SEMA3C: variants seen among roughly 807,000 people sequenced by gnomAD.
The protein encoded by SEMA3C is semaphorin 3C.
SEMA3C carries 47 observed loss-of-function variants against 89.4 expected under a neutral mutation model. The ratio of observed to expected loss-of-function variants is 0.53; its 90% CI spans 0.42 to 0.67. SEMA3C has a LOEUF of 0.67. Ranked by LOEUF, SEMA3C falls within the 30% of genes least tolerant of loss-of-function variation. SEMA3C has a pLI of 0.00. For missense variants in SEMA3C, 839 were observed against 929.1 expected, an observed-to-expected ratio of 0.90 and a Z score of 1.26; for synonymous variants, 310 against 320.2, an observed-to-expected ratio of 0.97 and a Z score of 0.34.
At chr7:80,853,850 CA>C (rs1433433129) in intron 2 of SEMA3C, among the ~76,000 whole-genome samples, 2 of 151,996 alleles carry the variant, frequency 1.3e-5, no homozygotes, top group East Asian at 3.9e-4. Flanking sequence ...GATAACTACA[CA>C]TTGCATACCT....
chr7:80,903,122 C>T (rs1791922977), intron 2 of SEMA3C, among the ~76,000 whole-genome samples: 1 of 152,146 alleles, frequency 6.6e-6, no homozygotes, highest in African/African-American at 2.4e-5. Context: ...CATCCCTTAA[C>T]AATGAAGGTA....
At chr7:80,788,488 A>G (rs578009347) in intron 12 of SEMA3C, among the ~76,000 whole-genome samples, 15 of 152,284 alleles carry the variant, frequency 9.9e-5, no homozygotes, top group African/African-American at 3.4e-4. Flanking sequence ...GAATTTTGGA[A>G]GAAGCACCTC....
chr7:80,903,292 G>A (rs935824941), intron 2 of SEMA3C, among the ~76,000 whole-genome samples: 4 of 152,104 alleles, frequency 2.6e-5, no homozygotes, highest in Non-Finnish European at 5.9e-5. Context: ...AATTCTGTAG[G>A]TAACTGTAAC....
chr7:80,890,288 G>A (rs912933098), intron 2 of SEMA3C, among the ~76,000 whole-genome samples: 59 of 152,164 alleles, frequency 3.9e-4, no homozygotes, highest in African/African-American at 1.4e-3. Flanking sequence ...GAAGGAAGCT[G>A]AGGGTCTTCC....
Position 80,890,783 on chromosome 7 carries a change from T to C in SEMA3C, c.103+25896A>G, listed in dbSNP as rs142061666. On this transcript the variant is annotated intron_variant, in intron 2 of 17. Transcript: ENST00000265361. ...CTAATATGATATTATTTGCATATTA[T>C]CACTTTCTGAAAAATCTCCAACAGT... Among the ~76,000 whole-genome samples, 27 of 152,324 alleles carry C rather than the reference T, an allele frequency of 1.8e-4. No homozygotes were observed. The East Asian group carries it at 4.6e-3, about 26-fold the overall frequency.
chr7:80,779,136 C>T (rs1788633204), intron 12 of SEMA3C, among the ~76,000 whole-genome samples: 1 of 152,096 alleles, frequency 6.6e-6, no homozygotes, highest in African/African-American at 2.4e-5. Flanking sequence ...TGGAACTGAG[C>T]TTGAATTTAA....
chr7:80,765,182 G>A lies in SEMA3C; in HGVS notation c.1416C>T (p.Leu472=), dbSNP rs1562864926. Residue 472 remains leucine, a synonymous_variant, in exon 13 of 18, where the codon CTC becomes CTT. Coordinates refer to ENST00000265361, the MANE Select transcript of SEMA3C (RefSeq NM_006379.5). ...TAAAGACTTCCAGCTCCTCCAGAATGAGCTCGCCACTGACAGAGTTGTTAG... is the reference window on the plus strand; with the variant it reads ...TAAAGACTTCCAGCTCCTCCAGAATAAGCTCGCCACTGACAGAGTTGTTAG... ...LPTNNSVSGE[L]ILEELEVFKN... is the part of the protein sequence containing the mutation. 1 of 1,613,660 alleles carries A rather than the reference G, an allele frequency of 6.2e-7. No homozygotes were observed. The highest frequency in any genetic ancestry group is 8.5e-7 in the Non-Finnish European group (1 of 1,179,760).
In SEMA3C at chr7:80,789,303, T is replaced by C. The variant is rs755764835; in HGVS notation, c.1354+3A>G. 67 of 1,610,596 alleles carry C rather than the reference T, an allele frequency of 4.2e-5. 1 individual carries two copies. In the South Asian group the frequency reaches 7.1e-4, roughly 17 times the overall value. ...AAAGCATATCTTGGGCTCAAATATT[T>C]ACCTGTTCCGAGAAACAGGACATGG... On this transcript the variant is annotated splice_donor_region_variant and intron_variant, in intron 12 of 17. Coordinates refer to ENST00000265361, the MANE Select transcript of SEMA3C (RefSeq NM_006379.5).
intron 6 of SEMA3C, among the ~76,000 whole-genome samples, chr7:80,808,602 A>G (rs1562884733): frequency 6.6e-6 from 1 of 152,166 alleles, no homozygotes; most frequent in Non-Finnish European, 1.5e-5. Context: ...AAGAAAGATG[A>G]GTTATCTATT....
chr7:80,822,139 ACAGTGGAATGAATAGACTCAAT>A (rs1348600644), intron 4 of SEMA3C, among the ~76,000 whole-genome samples: 2 of 152,196 alleles, frequency 1.3e-5, no homozygotes, highest in African/African-American at 4.8e-5. Flanking sequence ...GGTACTAGCA[ACAGTGGAATGAATAGACTCAAT>A]CAATGCCTGC....
At chr7:80,801,631 T>C (rs1249024405) in intron 9 of SEMA3C, among the ~76,000 whole-genome samples, 1 of 152,044 alleles carries the variant, frequency 6.6e-6, no homozygotes, top group Non-Finnish European at 1.5e-5. Flanking sequence ...TGAATTTAAA[T>C]GACCTCATAA....
chr7:80,833,758 G>T (rs1162837986), intron 2 of SEMA3C, among the ~76,000 whole-genome samples: 1 of 151,926 alleles, frequency 6.6e-6, no homozygotes, highest in South Asian at 2.1e-4. Context: ...ACGACTTGGG[G>T]AGAGAAACGA....
intron 6 of SEMA3C, 63 bp downstream of exon 6, chr7:80,810,548 C>A: frequency 7.7e-7 from 1 of 1,291,480 alleles, no homozygotes. Flanking sequence ...ATAGGTATAC[C>A]ATGTCAAGCT....
At chr7:80,887,711 T>C (rs564937167) in intron 2 of SEMA3C, among the ~76,000 whole-genome samples, 3 of 152,168 alleles carry the variant, frequency 2.0e-5, no homozygotes, top group Admixed American at 6.6e-5. Context: ...CTGCTTATCC[T>C]GAGTAAAAAG....
intron 11 of SEMA3C, 84 bp downstream of exon 11, chr7:80,798,008 C>T (rs1258485404): frequency 5.7e-6 from 8 of 1,403,674 alleles, no homozygotes; most frequent in Non-Finnish European, 6.7e-6. Context: ...AAAAAAAAAC[C>T]CCAAAAAACC....
intron 2 of SEMA3C, among the ~76,000 whole-genome samples, chr7:80,855,902 T>C (rs11765246): frequency 0.091 from 13,913 of 152,228 alleles, 938 homozygotes; most frequent in African/African-American, 0.18. Context: ...CGTCCCTCAA[T>C]CATTCATGTT....
At chr7:80,746,785 T>C (rs1787812151) in intron 17 of SEMA3C, among the ~76,000 whole-genome samples, 1 of 147,200 alleles carries the variant, frequency 6.8e-6, no homozygotes, top group Non-Finnish European at 1.5e-5. Flanking sequence ...TGGAGAAATA[T>C]ATAACTCTTG....
intron 11 of SEMA3C, among the ~76,000 whole-genome samples, chr7:80,791,383 T>C (rs984560846): frequency 6.6e-6 from 1 of 152,200 alleles, no homozygotes; most frequent in Admixed American, 6.5e-5. Flanking sequence ...AATATTAAAT[T>C]CCTGTCGATA....
At chr7:80,773,861 T>G (rs747302323) in intron 12 of SEMA3C, among the ~76,000 whole-genome samples, 1 of 152,152 alleles carries the variant, frequency 6.6e-6, no homozygotes, top group Non-Finnish European at 1.5e-5. Context: ...CAGATTGCAG[T>G]TGCTACTCGC....
Sources: gnomAD v4.1 joint callset for allele counts (sites outside exome capture counted in the v4.1 genomes callset) on GRCh38, gnomAD v4.1.1 for gene constraint, MANE v1.5 for transcripts, NCBI Gene and HGNC (gene_info 2026-07-23, HGNC 2026-07-21) for gene names.